Variants in PRKD1 observed in about 807,000 individuals in gnomAD.
PRKD1 encodes the protein serine/threonine-protein kinase D1.
Under a neutral mutation model 95.9 loss-of-function variants are expected in PRKD1, and 63 were observed. The ratio of observed to expected loss-of-function variants is 0.66; its 90% CI spans 0.54 to 0.81. The LOEUF is 0.81. Ranked by LOEUF, PRKD1 falls within the 30% of genes least tolerant of loss-of-function variation. PRKD1 has a pLI of 0.00. For synonymous variants in PRKD1, 425 were observed against 423.1 expected, an observed-to-expected ratio of 1.00 and a Z score of -0.05; for missense variants, 1,048 against 1,165.3, an observed-to-expected ratio of 0.90 and a Z score of 1.47.
At chr14:29,641,115 G>A (rs910228874) in intron 4 of PRKD1, among the ~76,000 whole-genome samples, 4 of 152,314 alleles carry the variant, frequency 2.6e-5, no homozygotes, top group Admixed American at 1.3e-4. Context: ...GAAATTAGCT[G>A]TCACTCTGTA....
chr14:29,891,252 G>C (rs1893927527), intron 1 of PRKD1, among the ~76,000 whole-genome samples: 1 of 152,192 alleles, frequency 6.6e-6, no homozygotes, highest in South Asian at 2.1e-4. Flanking sequence ...AAACTCAAGG[G>C]AGAGCAACAA....
At chr14:29,809,316 T>C (rs1890381102) in intron 1 of PRKD1, among the ~76,000 whole-genome samples, 1 of 152,222 alleles carries the variant, frequency 6.6e-6, no homozygotes, top group Non-Finnish European at 1.5e-5. Flanking sequence ...GGCTTCAACT[T>C]AAAGTTACCA....
At chr14:29,699,532 C>T (rs1163833480) in intron 2 of PRKD1, among the ~76,000 whole-genome samples, 2 of 152,018 alleles carry the variant, frequency 1.3e-5, no homozygotes, top group Non-Finnish European at 2.9e-5. Flanking sequence ...CTGAATGAGG[C>T]TCCATGTGTA....
intron 1 of PRKD1, among the ~76,000 whole-genome samples, chr14:29,892,172 T>G (rs958227018): frequency 5.3e-5 from 8 of 152,212 alleles, no homozygotes; most frequent in Admixed American, 2.0e-4. Flanking sequence ...CATATTAATT[T>G]CCTTCATTTT....
chr14:29,676,026 G>GC (rs569457718), intron 2 of PRKD1, among the ~76,000 whole-genome samples: 283 of 151,636 alleles, frequency 1.9e-3, no homozygotes, highest in Admixed American at 5.0e-3. Flanking sequence ...TATACCTAAT[G>GC]TAAATGACGC....
At chr14:29,919,959 C>T (rs1594627741) in intron 1 of PRKD1, among the ~76,000 whole-genome samples, 1 of 139,834 alleles carries the variant, frequency 7.2e-6, no homozygotes, top group East Asian at 2.1e-4. Flanking sequence ...AAAGTGAGAC[C>T]CTGAGAAAGA....
intron 1 of PRKD1, among the ~76,000 whole-genome samples, chr14:29,823,971 CCT>C (rs890338670): frequency 1.3e-5 from 2 of 152,078 alleles, no homozygotes; most frequent in African/African-American, 2.4e-5. Flanking sequence ...AGAAACACCC[CCT>C]GTTCTCCAGA....
intron 1 of PRKD1, among the ~76,000 whole-genome samples, chr14:29,764,491 A>G (rs1888170473): frequency 6.6e-6 from 1 of 152,132 alleles, no homozygotes; most frequent in Non-Finnish European, 1.5e-5. Flanking sequence ...ATAGAAATTT[A>G]TTTCTCACAG....
intron 1 of PRKD1, among the ~76,000 whole-genome samples, chr14:29,921,859 T>C (rs995112838): frequency 2.0e-5 from 3 of 152,172 alleles, no homozygotes; most frequent in African/African-American, 7.2e-5. Context: ...ATTCTGAATC[T>C]AAAGGCCCAA....
intron 13 of PRKD1, among the ~76,000 whole-genome samples, chr14:29,600,685 AATCCCATGCGGATAC>A: frequency 6.6e-6 from 1 of 152,296 alleles, no homozygotes; most frequent in Non-Finnish European, 1.5e-5. Flanking sequence ...TTCTGGAACA[AATCCCATGCGGATAC>A]CAAGGGACTG....
At chr14:29,817,036 A>C (rs2139259606) in intron 1 of PRKD1, among the ~76,000 whole-genome samples, 1 of 152,300 alleles carries the variant, frequency 6.6e-6, no homozygotes, top group African/African-American at 2.4e-5. Flanking sequence ...CCAAATATAT[A>C]TTTATATACT....
intron 1 of PRKD1, among the ~76,000 whole-genome samples, chr14:29,787,240 G>T (rs1889317407): frequency 1.6e-5 from 2 of 127,276 alleles, no homozygotes; most frequent in African/African-American, 3.2e-5. Context: ...TTTTTTTTGA[G>T]GCCTAATATA....
chr14:29,713,218 C>T (rs755598725), intron 2 of PRKD1, among the ~76,000 whole-genome samples: 1 of 152,094 alleles, frequency 6.6e-6, no homozygotes, highest in Non-Finnish European at 1.5e-5. Context: ...TCCAATATGA[C>T]CTCTTAGTAA....
At chr14:29,748,745 T>C (rs1887345597) in intron 1 of PRKD1, among the ~76,000 whole-genome samples, 2 of 152,180 alleles carry the variant, frequency 1.3e-5, no homozygotes, top group South Asian at 2.1e-4. Flanking sequence ...TGAATAAATA[T>C]AGCCATCAAT....
intron 1 of PRKD1, among the ~76,000 whole-genome samples, chr14:29,815,092 C>T (rs528761149): frequency 6.6e-6 from 1 of 152,278 alleles, no homozygotes; most frequent in East Asian, 1.9e-4. Flanking sequence ...TGAGAGGTTT[C>T]TCACTGACTT....
intron 1 of PRKD1, among the ~76,000 whole-genome samples, chr14:29,806,953 C>T (rs1262652083): frequency 6.6e-6 from 1 of 152,106 alleles, no homozygotes; most frequent in African/African-American, 2.4e-5. Flanking sequence ...TTTCAGGTTT[C>T]TCAATGCATA....
chr14:29,875,618 AT>A (rs994224657), intron 1 of PRKD1, among the ~76,000 whole-genome samples: 1 of 152,204 alleles, frequency 6.6e-6, no homozygotes, highest in African/African-American at 2.4e-5. Context: ...AAGATAAGCA[AT>A]TTATCTATTC....
At chr14:29,906,132 A>G (rs1263198764) in intron 1 of PRKD1, among the ~76,000 whole-genome samples, 4 of 152,222 alleles carry the variant, frequency 2.6e-5, no homozygotes, top group Non-Finnish European at 5.9e-5. Context: ...ACACACACAT[A>G]GAAATGGATA....
intron 1 of PRKD1, among the ~76,000 whole-genome samples, chr14:29,803,033 A>G (rs990495896): frequency 6.6e-6 from 1 of 152,228 alleles, no homozygotes; most frequent in African/African-American, 2.4e-5. Flanking sequence ...TGAGCCGGAC[A>G]TGAGACAGGC....
Sources: gnomAD v4.1 joint callset for allele counts (sites outside exome capture counted in the v4.1 genomes callset) on GRCh38, gnomAD v4.1.1 for gene constraint, MANE v1.5 for transcripts, NCBI Gene and HGNC (gene_info 2026-07-23, HGNC 2026-07-21) for gene names.